The following GSK3B variants were observed in gnomAD, a reference collection of about 807,000 sequenced individuals.
The protein encoded by GSK3B is glycogen synthase kinase-3 beta.
GSK3B carries 15 observed loss-of-function variants against 56.4 expected under a neutral mutation model. The ratio of observed to expected loss-of-function variants is 0.27; its 90% confidence interval spans 0.18 to 0.41. GSK3B has a LOEUF of 0.41. Among genes scored for constraint, GSK3B ranks in the 10% least tolerant of loss-of-function variants. GSK3B has a pLI of 1.00. For synonymous variants in GSK3B, 181 were observed against 188.9 expected (o/e 0.96, Z 0.34); for missense variants, 300 against 513.4 (o/e 0.58, Z 4.02).
chr3:119,989,322 C>T (rs540585776), intron 2 of GSK3B, among the ~76,000 whole-genome samples: 20 of 152,094 alleles, frequency 1.3e-4, no homozygotes, highest in Non-Finnish European at 2.5e-4. Context: ...TGACAGCCCC[C>T]AAAAGTCATA....
rs370991864 is a variant in GSK3B, at chr3:119,843,362, G to C, written c.1097-9C>G. 6.8e-7 allele frequency: 1 copy of C among 1,481,198 alleles called. No homozygotes were observed. The highest frequency in any genetic ancestry group is 1.4e-5 in the African/African-American group (1 of 72,140). 91.8% of individuals were successfully genotyped at this position (1,481,198 alleles called of 1,614,324 possible). On this transcript the variant is annotated splice_polypyrimidine_tract_variant and intron_variant, in intron 9 of 10. Coordinates refer to ENST00000264235, the MANE Select transcript of GSK3B (RefSeq NM_001146156.2). ...TGGATTACTTGACAGTTCTATAGAA[G>C]GTTAAGACACAAATGTTAGAGTCCA...
In GSK3B at chr3:119,823,746, A is replaced by C. The variant is rs2055452018; in HGVS notation, c.*3042T>G. On this transcript the variant is annotated 3_prime_UTR_variant, in exon 11 of 11. Coordinates refer to ENST00000264235, the MANE Select transcript of GSK3B (RefSeq NM_001146156.2). Reference sequence around the variant, plus strand: ...CAAAACAAAGGCAGGGCTTCAACGAAATGAAATTACGAATATGATTTCCTC... The same window carrying C: ...CAAAACAAAGGCAGGGCTTCAACGACATGAAATTACGAATATGATTTCCTC... 1 of 191,560 alleles carries C rather than the reference A, an allele frequency of 5.2e-6. No individual in the cohort carries two copies. Among genetic ancestry groups the C allele is most frequent in the Admixed American group, 6.1e-5 (1 of 16,274 alleles). 11.9% of individuals were successfully genotyped at this position (191,560 alleles called of 1,614,324 possible).
At chr3:119,827,472 T>C (rs368015735) in intron 10 of GSK3B, among the ~76,000 whole-genome samples, 3 of 151,470 alleles carry the variant, frequency 2.0e-5, no homozygotes, top group South Asian at 2.1e-4. Flanking sequence ...TGGGGTAATA[T>C]GTAGCCATAA....
At chr3:120,029,612 G>A in intron 1 of GSK3B, 1 of 567,076 alleles carries the variant, frequency 1.8e-6, no homozygotes, top group South Asian at 1.6e-5. Flanking sequence ...CAGAAGGGAG[G>A]CTTGCCATTA....
chr3:119,904,773 T>C (rs1420769240), intron 7 of GSK3B, among the ~76,000 whole-genome samples: 4 of 152,100 alleles, frequency 2.6e-5, no homozygotes, highest in Non-Finnish European at 4.4e-5. Flanking sequence ...TTGTTAGGAA[T>C]GTAACTAAAA....
At chr3:120,006,245 A>G (rs1443238831) in intron 1 of GSK3B, among the ~76,000 whole-genome samples, 1 of 152,224 alleles carries the variant, frequency 6.6e-6, no homozygotes, top group Non-Finnish European at 1.5e-5. Context: ...CCAATACAAG[A>G]GCACCCAGAT....
intron 3 of GSK3B, among the ~76,000 whole-genome samples, chr3:119,934,718 A>G (rs1276297378): frequency 6.6e-6 from 1 of 152,178 alleles, no homozygotes. Flanking sequence ...GGGTCTGTCC[A>G]TATAGACATA....
chr3:119,843,451 T>A, intron 9 of GSK3B, 98 bp from the exon 10 acceptor site: 1 of 603,940 alleles, frequency 1.7e-6, no homozygotes, highest in Non-Finnish European at 2.9e-6. Flanking sequence ...TGCATTAAAC[T>A]ACCAGTTTAT....
At chr3:119,841,847 A>C (rs1262606226) in intron 10 of GSK3B, among the ~76,000 whole-genome samples, 2 of 152,240 alleles carry the variant, frequency 1.3e-5, no homozygotes, top group African/African-American at 4.8e-5. Flanking sequence ...AACTAGAATG[A>C]AATGTTTTAA....
chr3:120,069,975 G>T (rs756281370), intron 1 of GSK3B, among the ~76,000 whole-genome samples: 1 of 152,178 alleles, frequency 6.6e-6, no homozygotes, highest in Non-Finnish European at 1.5e-5. Flanking sequence ...AGTACTTTGT[G>T]AGGCTGAGGT....
Position 119,893,674 on chromosome 3 carries a change from T to G in GSK3B, c.813+12081A>C, listed in dbSNP as rs368114774. ...CCCGTGTGCCTATACTCTATTTCAT[T>G]CACTCTTTCTTGCCTGTCATTTAAC... On this transcript the variant is annotated intron_variant, in intron 7 of 10. Coordinates refer to ENST00000264235, the MANE Select transcript of GSK3B (RefSeq NM_001146156.2). Among the ~76,000 whole-genome samples the G allele has an allele frequency of 4.6e-5, 7 of 152,214 alleles. No individual in the cohort carries two copies. The East Asian group carries it at 1.2e-3, about 25-fold the overall frequency.
intron 10 of GSK3B, chr3:119,832,905 C>A: frequency 2.7e-6 from 2 of 743,654 alleles, no homozygotes; most frequent in African/African-American, 1.9e-5. Flanking sequence ...AATTCTATAT[C>A]TGGTATCATA....
intron 1 of GSK3B, among the ~76,000 whole-genome samples, chr3:120,027,698 T>C (rs1414728356): frequency 6.6e-6 from 1 of 152,104 alleles, no homozygotes; most frequent in Non-Finnish European, 1.5e-5. Context: ...AAAAGCAGAG[T>C]ATATAGCTAC....
intron 2 of GSK3B, among the ~76,000 whole-genome samples, chr3:119,989,996 C>T (rs539687927): frequency 2.0e-4 from 30 of 152,086 alleles, no homozygotes; most frequent in Non-Finnish European, 3.5e-4. Context: ...GTAGGAGCAT[C>T]GCCATCTTGG....
At chr3:119,892,719 T>C (rs2056517024) in intron 7 of GSK3B, among the ~76,000 whole-genome samples, 1 of 152,146 alleles carries the variant, frequency 6.6e-6, no homozygotes, top group African/African-American at 2.4e-5. Flanking sequence ...GGCTTATAGA[T>C]AATGAATTCA....
At chr3:120,049,353 A>G (rs895783237) in intron 1 of GSK3B, among the ~76,000 whole-genome samples, 2 of 152,248 alleles carry the variant, frequency 1.3e-5, no homozygotes, top group East Asian at 3.8e-4. Flanking sequence ...CAAAGGAAAT[A>G]CGGTCAAATG....
At chr3:120,067,638 A>G (rs1425080342) in intron 1 of GSK3B, among the ~76,000 whole-genome samples, 1 of 152,240 alleles carries the variant, frequency 6.6e-6, no homozygotes, top group African/African-American at 2.4e-5. Flanking sequence ...ACCTGTATTC[A>G]GTACCATGCA....
At chr3:119,940,377 T>A (rs2057036788) in intron 3 of GSK3B, among the ~76,000 whole-genome samples, 1 of 151,992 alleles carries the variant, frequency 6.6e-6, no homozygotes. Context: ...CTTGGCCTTT[T>A]CTTTCTTTCT....
At chr3:119,930,317 A>T (rs1254991332) in intron 3 of GSK3B, among the ~76,000 whole-genome samples, 3 of 152,188 alleles carry the variant, frequency 2.0e-5, no homozygotes, top group Non-Finnish European at 4.4e-5. Context: ...CAACATATGT[A>T]AAAGTGTGAA....
Sources: gnomAD v4.1 joint callset for allele counts (sites outside exome capture counted in the v4.1 genomes callset) on GRCh38, gnomAD v4.1.1 for gene constraint, MANE v1.5 for transcripts, NCBI Gene and HGNC (gene_info 2026-07-23, HGNC 2026-07-21) for gene names.